Variants in FGGY observed in about 807,000 individuals in gnomAD.
FGGY encodes FGGY carbohydrate kinase domain containing.
A neutral mutation model predicts 71.3 loss-of-function variants in FGGY; 72 were observed. The ratio of observed to expected loss-of-function variants is 1.01; its 90% CI spans 0.84 to 1.23. The LOEUF (loss-of-function observed/expected upper bound fraction) is 1.23, where lower values mean the gene tolerates loss of function less well. Among genes scored for constraint, FGGY ranks in the 50% most tolerant of loss-of-function variants. The probability of loss-of-function intolerance (pLI) is 0.00; values close to 1 mark genes in which losing one functional copy is unlikely to be tolerated. For synonymous variants in FGGY, 251 were observed against 250.3 expected, an observed-to-expected ratio of 1.00 and a Z score of -0.02; for missense variants, 668 against 682.3, an observed-to-expected ratio of 0.98 and a Z score of 0.23.
intron 4 of FGGY, among the ~76,000 whole-genome samples, chr1:59,362,506 G>T (rs533359074): frequency 6.6e-6 from 1 of 152,264 alleles, no homozygotes; most frequent in East Asian, 1.9e-4. Flanking sequence ...CTCAACACAG[G>T]TCTCTCAGAC....
intron 1 of FGGY, among the ~76,000 whole-genome samples, chr1:59,305,620 A>G (rs914713151): frequency 6.6e-6 from 1 of 152,168 alleles, no homozygotes; most frequent in Non-Finnish European, 1.5e-5. Flanking sequence ...TTTTTATAAG[A>G]GTTCAAGAAG....
intron 1 of FGGY, among the ~76,000 whole-genome samples, chr1:59,310,703 C>G (rs835397): frequency 0.02 from 3,059 of 152,216 alleles, 104 homozygotes; most frequent in African/African-American, 0.07. Context: ...CGGGTGGACC[C>G]TTTCTCCATC....
intron 5 of FGGY, among the ~76,000 whole-genome samples, chr1:59,389,163 G>T (rs1355792472): frequency 6.6e-6 from 1 of 152,102 alleles, no homozygotes; most frequent in Non-Finnish European, 1.5e-5. Context: ...GGTTAGGCAG[G>T]TCTTGAACTC....
intron 9 of FGGY, among the ~76,000 whole-genome samples, chr1:59,625,622 T>A (rs1478708325): frequency 1.3e-5 from 2 of 152,150 alleles, no homozygotes; most frequent in Non-Finnish European, 1.5e-5. Context: ...GGGGAAATGA[T>A]GTGATCCAGA....
At chr1:59,691,631 T>C (rs1268667669) in intron 14 of FGGY, among the ~76,000 whole-genome samples, 5 of 151,206 alleles carry the variant, frequency 3.3e-5, no homozygotes, top group South Asian at 4.1e-4. Context: ...TTGTTCTTTT[T>C]TTTTCTTTTC....
At chr1:59,384,446 A>T (rs2059846674) in intron 5 of FGGY, among the ~76,000 whole-genome samples, 1 of 152,186 alleles carries the variant, frequency 6.6e-6, no homozygotes, top group South Asian at 2.1e-4. Flanking sequence ...TGAAACAAGG[A>T]ACCCCTCTGA....
chr1:59,589,070 G>A lies in FGGY; in HGVS notation c.904-18733G>A, dbSNP rs375948294. On this transcript the variant is annotated intron_variant, in intron 8 of 15. Transcript: ENST00000303721. ...AGCTCACATGCAGAGACACACATAG[G>A]CTCAAAATAAAAGGATGGAGGAAGA... Among the ~76,000 whole-genome samples the A allele has an allele frequency of 5.9e-5, 9 of 152,208 alleles. No homozygotes were observed. In the East Asian group the frequency reaches 1.4e-3, roughly 23 times the overall value.
chr1:59,573,452 G>GTA lies in FGGY; in HGVS notation c.903+19233_903+19234dup, dbSNP rs142216333. Among the ~76,000 whole-genome samples, 956 of 151,112 alleles carry GTA rather than the reference G, an allele frequency of 6.3e-3. 13 individuals carry two copies. Among genetic ancestry groups the GTA allele is most frequent in the African/African-American group, 0.022 (910 of 40,718 alleles). ...CATACATATACACATATGTGTGTGT[G>GTA]TATATATATGTTCATATATATACAC... On this transcript the variant is annotated intron_variant, in intron 8 of 15. Transcript: ENST00000303721.
intron 7 of FGGY, among the ~76,000 whole-genome samples, chr1:59,542,754 C>A (rs2095464658): frequency 1.3e-5 from 2 of 152,054 alleles, no homozygotes; most frequent in Admixed American, 1.3e-4. Context: ...ACACACCTGG[C>A]TTTTTTTACT....
intron 14 of FGGY, among the ~76,000 whole-genome samples, chr1:59,686,655 A>AT (rs2097546596): frequency 6.6e-6 from 1 of 152,100 alleles, no homozygotes; most frequent in South Asian, 2.1e-4. Flanking sequence ...CCCTGGAAAT[A>AT]TAGGTCTCCA....
intron 6 of FGGY, among the ~76,000 whole-genome samples, chr1:59,476,611 A>G (rs1572663268): frequency 6.6e-6 from 1 of 152,388 alleles, no homozygotes; most frequent in Non-Finnish European, 1.5e-5. Context: ...ACCACTGACA[A>G]AAAGGCCCCA....
At chr1:59,506,179 A>C (rs2094375455) in intron 6 of FGGY, among the ~76,000 whole-genome samples, 1 of 152,148 alleles carries the variant, frequency 6.6e-6, no homozygotes, top group African/African-American at 2.4e-5. Context: ...TTTTATTTCA[A>C]CGTAAGATTG....
At chr1:59,757,108 T>A (rs1434941350) in intron 14 of FGGY, among the ~76,000 whole-genome samples, 1 of 152,194 alleles carries the variant, frequency 6.6e-6, no homozygotes, top group Non-Finnish European at 1.5e-5. Context: ...TTCCTAAGAC[T>A]GAGCCTATGC....
intron 4 of FGGY, among the ~76,000 whole-genome samples, chr1:59,355,416 C>T (rs1483445404): frequency 1.3e-5 from 2 of 152,178 alleles, no homozygotes; most frequent in African/African-American, 4.8e-5. Context: ...TACTGGTACA[C>T]TGTTCATGGT....
chr1:59,475,170 C>G (rs572204795), intron 6 of FGGY, among the ~76,000 whole-genome samples: 6 of 152,120 alleles, frequency 3.9e-5, no homozygotes, highest in Non-Finnish European at 7.3e-5. Flanking sequence ...TCCTTGGATT[C>G]ACACAACCTT....
chr1:59,368,579 G>A (rs1197019618), intron 4 of FGGY, among the ~76,000 whole-genome samples: 3 of 152,186 alleles, frequency 2.0e-5, no homozygotes, highest in African/African-American at 7.2e-5. Flanking sequence ...GGACTTAGAG[G>A]ACGATCACTG....
chr1:59,323,350 G>A (rs2046751585), intron 2 of FGGY, among the ~76,000 whole-genome samples: 1 of 152,228 alleles, frequency 6.6e-6, no homozygotes. Flanking sequence ...CCTGTTAGCT[G>A]CATAAGTACC....
chr1:59,586,818 G>C (rs1001023652), intron 8 of FGGY, among the ~76,000 whole-genome samples: 1 of 152,238 alleles, frequency 6.6e-6, no homozygotes, highest in Non-Finnish European at 1.5e-5. Context: ...AAGCAGCCAA[G>C]ATGGCCGAAT....
intron 11 of FGGY, among the ~76,000 whole-genome samples, chr1:59,657,520 A>G (rs2097231359): frequency 6.6e-6 from 1 of 152,170 alleles, no homozygotes; most frequent in Non-Finnish European, 1.5e-5. Flanking sequence ...ACCGCATGCT[A>G]GCATGGTGCA....
Sources: gnomAD v4.1 joint callset for allele counts (sites outside exome capture counted in the v4.1 genomes callset) on GRCh38, gnomAD v4.1.1 for gene constraint, MANE v1.5 for transcripts, NCBI Gene and HGNC (gene_info 2026-07-23, HGNC 2026-07-21) for gene names.